Variants in ROBO2 observed in about 807,000 individuals in gnomAD.
ROBO2 encodes the protein roundabout guidance receptor 2, also known as roundabout homolog 2.
ROBO2 carries 53 observed loss-of-function variants against 160.8 expected under a neutral mutation model. The ratio of observed to expected loss-of-function variants is 0.33; its 90% CI spans 0.26 to 0.41. ROBO2 has a LOEUF of 0.41. Among genes scored for constraint, ROBO2 ranks in the 10% least tolerant of loss-of-function variants. ROBO2 has a pLI of 1.00. For missense variants in ROBO2, 1,577 were observed against 1,722.4 expected, an observed-to-expected ratio of 0.92 and a Z score of 1.49; for synonymous variants, 664 against 611.7, an observed-to-expected ratio of 1.09 and a Z score of -1.26.
chr3:76,882,103 T>G (rs1442624839), intron 2 of ROBO2, among the ~76,000 whole-genome samples: 1 of 150,228 alleles, frequency 6.7e-6, no homozygotes, highest in African/African-American at 2.5e-5. Flanking sequence ...TGTGTGTGTG[T>G]GTGTGTGTGT....
chr3:77,344,840 T>G (rs1323196770), intron 2 of ROBO2, among the ~76,000 whole-genome samples: 5 of 152,138 alleles, frequency 3.3e-5, no homozygotes, highest in Non-Finnish European at 7.3e-5. Flanking sequence ...AAAAGTTTTT[T>G]TGGTCTCAAA....
intron 2 of ROBO2, among the ~76,000 whole-genome samples, chr3:76,970,371 A>G (rs746988686): frequency 8.5e-5 from 13 of 152,206 alleles, no homozygotes; most frequent in Admixed American, 2.6e-4. Flanking sequence ...GAAAATTACC[A>G]GGAGATAATT....
At chr3:76,020,314 T>C (rs1339450388) in intron 2 of ROBO2, among the ~76,000 whole-genome samples, 2 of 151,642 alleles carry the variant, frequency 1.3e-5, no homozygotes, top group Non-Finnish European at 3.0e-5. Flanking sequence ...TCTTATTTTT[T>C]ATTGAATTTA....
chr3:76,562,449 C>T (rs564834938), intron 2 of ROBO2, among the ~76,000 whole-genome samples: 1 of 151,690 alleles, frequency 6.6e-6, no homozygotes, highest in Admixed American at 6.6e-5. Context: ...ATCTCTCTCT[C>T]TCTCTCTCTC....
intron 2 of ROBO2, among the ~76,000 whole-genome samples, chr3:76,692,909 AGT>A (rs1303457040): frequency 4.6e-5 from 7 of 151,398 alleles, no homozygotes; most frequent in African/African-American, 1.7e-4. Flanking sequence ...CTATATATAT[AGT>A]GTGTGTGTAT....
intron 2 of ROBO2, among the ~76,000 whole-genome samples, chr3:76,179,382 A>G (rs1701389248): frequency 6.6e-6 from 1 of 152,164 alleles, no homozygotes; most frequent in South Asian, 2.1e-4. Context: ...CCTCTTCCCC[A>G]GTGTTCCAGA....
intron 17 of ROBO2, among the ~76,000 whole-genome samples, chr3:77,591,334 A>G (rs2094175272): frequency 6.6e-6 from 1 of 152,164 alleles, no homozygotes; most frequent in Non-Finnish European, 1.5e-5. Context: ...GGAGTAGGAA[A>G]ATGTGACCTA....
intron 2 of ROBO2, among the ~76,000 whole-genome samples, chr3:76,923,716 T>C (rs2076811341): frequency 6.6e-6 from 1 of 152,338 alleles, no homozygotes; most frequent in South Asian, 2.1e-4. Context: ...GCAGAAACAC[T>C]GTGTCCTGTC....
intron 23 of ROBO2, among the ~76,000 whole-genome samples, chr3:77,626,745 C>A (rs546054410): frequency 6.6e-6 from 1 of 152,238 alleles, no homozygotes; most frequent in South Asian, 2.1e-4. Context: ...TCAGTGATCA[C>A]AAAAAGGAAG....
In ROBO2 at chr3:75,970,408, T is replaced by C. The variant is rs547262664; in HGVS notation, c.109+32806T>C. ...ATTTTTAAGTTGTGTGAGATGTGGATACCCAGCATTTTCATGATGAGGCTG... is the reference window on the plus strand; with the variant it reads ...ATTTTTAAGTTGTGTGAGATGTGGACACCCAGCATTTTCATGATGAGGCTG... On this transcript the variant is annotated intron_variant, in intron 2 of 26. Transcript: ENST00000487694. 3.3e-5 allele frequency among the ~76,000 whole-genome samples: 5 copies of C among 151,640 alleles called. No homozygotes were observed. The South Asian group carries it at 1.0e-3, about 31-fold the overall frequency.
chr3:77,355,271 T>TACA (rs1332220606), intron 2 of ROBO2, among the ~76,000 whole-genome samples: 2 of 147,114 alleles, frequency 1.4e-5, no homozygotes, highest in Non-Finnish European at 1.5e-5. Context: ...TTCTCTTGTA[T>TACA]AGTTTTGCCT....
chr3:76,940,606 A>T (rs1403883240), intron 2 of ROBO2, among the ~76,000 whole-genome samples: 2 of 152,212 alleles, frequency 1.3e-5, no homozygotes, highest in Non-Finnish European at 2.9e-5. Context: ...ATAGGCATCC[A>T]TCGGCAGAGT....
At chr3:76,873,125 A>G (rs2072298402) in intron 2 of ROBO2, among the ~76,000 whole-genome samples, 1 of 152,174 alleles carries the variant, frequency 6.6e-6, no homozygotes, top group South Asian at 2.1e-4. Context: ...TTAAACCAAG[A>G]TTACTTTTAG....
chr3:76,492,912 TATG>T (rs1363423422), intron 2 of ROBO2, among the ~76,000 whole-genome samples: 3 of 152,322 alleles, frequency 2.0e-5, no homozygotes, highest in Non-Finnish European at 2.9e-5. Context: ...ATCATGTAAT[TATG>T]ATTTTATAAT....
chr3:77,412,795 G>C (rs1231415504), intron 2 of ROBO2, among the ~76,000 whole-genome samples: 1 of 152,244 alleles, frequency 6.6e-6, no homozygotes, highest in Non-Finnish European at 1.5e-5. Context: ...TATAGGGATA[G>C]TTAGCCTCTG....
intron 2 of ROBO2, among the ~76,000 whole-genome samples, chr3:76,705,781 ATTTC>A (rs989411770): frequency 2.0e-5 from 3 of 152,058 alleles, no homozygotes; most frequent in African/African-American, 7.2e-5. Context: ...TTGCAGCATG[ATTTC>A]TTTCTATTTG....
rs147555516 is a variant in ROBO2 at position 76,389,898 on chromosome 3, T to G, written c.109+452296T>G. ...TTATTTCTGTGTTACCGTTTGCATC[T>G]TACCTTGGGACATGAGAGTTACATT... On this transcript the variant is annotated intron_variant, in intron 2 of 26. Transcript: ENST00000487694. Among the ~76,000 whole-genome samples, 86 of 152,326 alleles carry G rather than the reference T, an allele frequency of 5.6e-4. No homozygotes were observed. The East Asian group carries it at 0.016, about 29-fold the overall frequency.
intron 2 of ROBO2, among the ~76,000 whole-genome samples, chr3:76,776,806 C>A (rs979484391): frequency 1.3e-5 from 2 of 150,930 alleles, no homozygotes; most frequent in African/African-American, 4.8e-5. Context: ...TCCAATCACC[C>A]TAGTTAAACT....
chr3:76,435,902 A>C (rs2076651459), intron 2 of ROBO2, among the ~76,000 whole-genome samples: 1 of 152,150 alleles, frequency 6.6e-6, no homozygotes, highest in Non-Finnish European at 1.5e-5. Context: ...ACTGTTGACA[A>C]GCGAGGCAGG....
Sources: allele counts gnomAD v4.1 joint callset (sites outside exome capture counted in the v4.1 genomes callset), GRCh38; gene constraint gnomAD v4.1.1; transcripts MANE v1.5; gene names NCBI Gene and HGNC (gene_info 2026-07-23, HGNC 2026-07-21).